DSE: variants seen among roughly 807,000 people sequenced by gnomAD.
DSE encodes the protein dermatan-sulfate epimerase.
DSE carries 36 observed loss-of-function variants against 84.4 expected under a neutral mutation model. The observed-to-expected ratio is 0.43, with a 90% CI of 0.33 to 0.56. The LOEUF (loss-of-function observed/expected upper bound fraction) is 0.56. Ranked by LOEUF, DSE falls within the 20% of genes least tolerant of loss-of-function variation. The pLI is 0.06. For synonymous variants in DSE, 410 were observed against 430.1 expected (o/e 0.95, Z 0.58); for missense variants, 862 against 1,169.6 (o/e 0.74, Z 3.84).
At chr6:116,336,327 T>G (rs1197635635) in intron 2 of DSE, among the ~76,000 whole-genome samples, 3 of 152,238 alleles carry the variant, frequency 2.0e-5, no homozygotes, top group Non-Finnish European at 4.4e-5. Flanking sequence ...TTAGCCAAAG[T>G]CTTGCTCATC....
At chr6:116,337,881 T>C (rs1777345760) in intron 2 of DSE, among the ~76,000 whole-genome samples, 1 of 152,210 alleles carries the variant, frequency 6.6e-6, no homozygotes, top group African/African-American at 2.4e-5. Context: ...GACTATAAGT[T>C]CATTCTATTC....
chr6:116,350,927 T>C (rs968826764), intron 2 of DSE, among the ~76,000 whole-genome samples: 2 of 149,582 alleles, frequency 1.3e-5, no homozygotes, highest in Non-Finnish European at 3.0e-5. Context: ...AAAAAAAAAG[T>C]CCTGAAAGTC....
chr6:116,318,067 A>C (rs1023652725), intron 2 of DSE, among the ~76,000 whole-genome samples: 6 of 152,232 alleles, frequency 3.9e-5, no homozygotes, highest in Admixed American at 3.9e-4. Flanking sequence ...GTGTTTTTCT[A>C]TGATCGAACA....
intron 2 of DSE, among the ~76,000 whole-genome samples, chr6:116,328,952 C>A (rs1776789303): frequency 6.6e-6 from 1 of 152,110 alleles, no homozygotes; most frequent in Non-Finnish European, 1.5e-5. Flanking sequence ...TAATAAAAGC[C>A]AGTTCTGCTT....
chr6:116,396,386 T>C (rs1781250017), intron 1 of DSE, among the ~76,000 whole-genome samples: 1 of 152,158 alleles, frequency 6.6e-6, no homozygotes, highest in South Asian at 2.1e-4. Flanking sequence ...GAGTGGGGCA[T>C]GGGGAAGGTA....
At chr6:116,360,366 G>A (rs753552932) in intron 2 of DSE, among the ~76,000 whole-genome samples, 1 of 151,132 alleles carries the variant, frequency 6.6e-6, no homozygotes, top group South Asian at 2.1e-4. Context: ...TTTGAAAAAG[G>A]TAAGGAATAT....
chr6:116,316,000 A>G (rs571084893), intron 2 of DSE, among the ~76,000 whole-genome samples: 1 of 152,138 alleles, frequency 6.6e-6, no homozygotes, highest in Non-Finnish European at 1.5e-5. Flanking sequence ...AAAAAAAACT[A>G]CAGATGCCTG....
At chr6:116,365,193 C>G (rs1779095886) in intron 2 of DSE, among the ~76,000 whole-genome samples, 2 of 151,986 alleles carry the variant, frequency 1.3e-5, no homozygotes, top group African/African-American at 2.4e-5. Flanking sequence ...ATTGGAATCA[C>G]AGAGTTTTAA....
chr6:116,299,660 G>T (rs1159253913), intron 2 of DSE, among the ~76,000 whole-genome samples: 1 of 151,028 alleles, frequency 6.6e-6, no homozygotes, highest in East Asian at 1.9e-4. Context: ...AGAGATAGAT[G>T]ATGGACATTC....
chr6:116,415,257 G>C (rs1167198893), intron 2 of DSE, among the ~76,000 whole-genome samples: 1 of 152,172 alleles, frequency 6.6e-6, no homozygotes, highest in African/African-American at 2.4e-5. Context: ...CTGAGTTTTG[G>C]AGTCATTGTT....
intron 2 of DSE, among the ~76,000 whole-genome samples, chr6:116,405,814 G>C (rs1389314841): frequency 2.0e-5 from 3 of 152,282 alleles, no homozygotes; most frequent in Admixed American, 2.0e-4. Flanking sequence ...GAGGACCCGA[G>C]GGAGAGGCAT....
chr6:116,310,804 G>C (rs1411946488), intron 2 of DSE, among the ~76,000 whole-genome samples: 1 of 152,134 alleles, frequency 6.6e-6, no homozygotes, highest in African/African-American at 2.4e-5. Flanking sequence ...GACAGAGCAA[G>C]CTTTCTAAAC....
At chr6:116,350,893 C>T (rs1008370930) in intron 2 of DSE, among the ~76,000 whole-genome samples, 1 of 149,778 alleles carries the variant, frequency 6.7e-6, no homozygotes, top group African/African-American at 2.5e-5. Context: ...AAAGATTTTC[C>T]TGGCATATCT....
intron 2 of DSE, among the ~76,000 whole-genome samples, chr6:116,419,849 A>G (rs910446984): frequency 6.6e-6 from 1 of 152,234 alleles, no homozygotes; most frequent in Non-Finnish European, 1.5e-5. Context: ...TGGTAAAACT[A>G]TAGTTATTCT....
intron 2 of DSE, among the ~76,000 whole-genome samples, chr6:116,340,855 A>G (rs1172929121): frequency 2.0e-5 from 3 of 152,156 alleles, no homozygotes; most frequent in African/African-American, 7.2e-5. Context: ...TCCGTGGTGT[A>G]TATGTGCCAT....
chr6:116,275,836 T>C (rs112930174), intron 2 of DSE, among the ~76,000 whole-genome samples: 80 of 149,636 alleles, frequency 5.3e-4, no homozygotes, highest in African/African-American at 1.8e-3. Flanking sequence ...CAATGAACCA[T>C]GTAAAATGCA....
chr6:116,406,843 G>T (rs942221043), intron 2 of DSE, among the ~76,000 whole-genome samples: 1 of 152,112 alleles, frequency 6.6e-6, no homozygotes, highest in Non-Finnish European at 1.5e-5. Context: ...TACCATAGTC[G>T]GGGGCCAGAT....
intron 1 of DSE, among the ~76,000 whole-genome samples, chr6:116,398,353 A>T (rs1024262721): frequency 6.6e-6 from 1 of 152,256 alleles, no homozygotes; most frequent in Non-Finnish European, 1.5e-5. Flanking sequence ...TCAAGTAGTT[A>T]AGAAAATATG....
chr6:116,395,435 A>G (rs1255916177), intron 1 of DSE, among the ~76,000 whole-genome samples: 1 of 152,150 alleles, frequency 6.6e-6, no homozygotes, highest in African/African-American at 2.4e-5. Context: ...AAAAATAAAG[A>G]AAGTGGGAGG....
Sources: gnomAD v4.1 joint callset for allele counts (sites outside exome capture counted in the v4.1 genomes callset) on GRCh38, gnomAD v4.1.1 for gene constraint, MANE v1.5 for transcripts, NCBI Gene and HGNC (gene_info 2026-07-23, HGNC 2026-07-21) for gene names.